The following KDM5A variants were observed in gnomAD, a reference collection of about 807,000 sequenced individuals.
KDM5A encodes lysine demethylase 5A.
Under a neutral mutation model 193.5 loss-of-function variants are expected in KDM5A, and 42 were observed. The observed-to-expected ratio is 0.22, with a 90% confidence interval of 0.17 to 0.28. KDM5A has a LOEUF of 0.28. Ranked by LOEUF, KDM5A falls within the 10% of genes least tolerant of loss-of-function variation. The pLI is 1.00. For synonymous variants in KDM5A, 796 were observed against 718.1 expected (o/e 1.11, Z -1.73); for missense variants, 1,692 against 2,055.1 (o/e 0.82, Z 3.42).
At chr12:293,273 A>C in intron 26 of KDM5A, 104 bp from the exon 27 acceptor site, 1 of 989,888 alleles carries the variant, frequency 1.0e-6, no homozygotes, top group Non-Finnish European at 1.5e-6. Context: ...GGAGAGACAG[A>C]AAGTCGAACA....
At chr12:296,937 C>T (rs1264193620) in intron 25 of KDM5A, 104 bp downstream of exon 25, 11 of 1,201,416 alleles carry the variant, frequency 9.2e-6, no homozygotes, top group Non-Finnish European at 1.3e-5. Context: ...TCATGGCCAA[C>T]CATTGTACTC....
intron 19 of KDM5A, among the ~76,000 whole-genome samples, chr12:315,204 T>C (rs1304421435): frequency 6.6e-6 from 1 of 152,188 alleles, no homozygotes; most frequent in East Asian, 1.9e-4. Context: ...GCAGAGAGAA[T>C]GATATATCCA....
At chr12:372,865 T>A (rs1405992289) in intron 3 of KDM5A, among the ~76,000 whole-genome samples, 3 of 152,228 alleles carry the variant, frequency 2.0e-5, no homozygotes, top group Admixed American at 6.5e-5. Flanking sequence ...GGTTTTTGTC[T>A]TTGGTTCTGT....
rs572637203 is a variant in KDM5A at position 328,531 on chromosome 12, G to GA, written c.1968+303dup. On this transcript the variant is annotated intron_variant, in intron 14 of 27. Transcript: ENST00000399788. ...CATAACTTATTCAACAGAAAGCTCA[G>GA]AAAAAAAAAATGATTTAAATTTTCT... Among the ~76,000 whole-genome samples the GA allele has an allele frequency of 7.0e-4, 103 of 146,996 alleles. 2 individuals are homozygous for GA. In the South Asian group the frequency reaches 0.013, roughly 19 times the overall value.
chr12:374,518 T>G (rs1442699350), intron 3 of KDM5A, among the ~76,000 whole-genome samples: 1 of 152,190 alleles, frequency 6.6e-6, no homozygotes, highest in African/African-American at 2.4e-5. Flanking sequence ...GGATCTTGAC[T>G]CTTTATCCAA....
chr12:388,558 C>T, intron 1 of KDM5A: 1 of 370,346 alleles, frequency 2.7e-6, no homozygotes, highest in Non-Finnish European at 5.2e-6. Context: ...CCAACCAGGT[C>T]TTGAATAAAG....
At chr12:378,402 C>T (rs754840811) in intron 3 of KDM5A, among the ~76,000 whole-genome samples, 10 of 152,010 alleles carry the variant, frequency 6.6e-5, no homozygotes, top group Admixed American at 1.3e-4. Context: ...TGACTACAGG[C>T]GCATGCCACC....
intron 18 of KDM5A, among the ~76,000 whole-genome samples, chr12:319,187 A>G (rs1943686091): frequency 6.6e-6 from 1 of 152,184 alleles, no homozygotes; most frequent in Non-Finnish European, 1.5e-5. Context: ...ACCATAGGGA[A>G]GTGATGTGAT....
At position 388,954 on chromosome 12, in the gene KDM5A, G is replaced by C; in HGVS notation, c.138C>G (p.Thr46=). The part of the protein sequence containing the change: ...IGRIRPLAEK[T]GICKIRPPKD... ...TGGGCGGCCGAATTTTGCAGATGCC[G>C]GTTTTCTCCGCCAAAGGCCGGATGC... The change falls in exon 1 of 28, where the codon ACC becomes ACG. Residue 46 remains threonine (T), a synonymous_variant. Transcript: ENST00000399788. The C allele has an allele frequency of 1.2e-6, 2 of 1,614,214 alleles. No individual in the cohort carries two copies. The highest frequency in any genetic ancestry group is 1.7e-6 in the Non-Finnish European group (2 of 1,180,036).
rs752316661 is a variant in KDM5A at position 384,057 on chromosome 12, T to A, written c.340A>T (p.Ile114Phe). Residue 114 changes from isoleucine to phenylalanine, a missense_variant, in exon 3 of 28, where the codon ATC becomes TTC. Physicochemically the swap from Ile to Phe is conservative, Grantham distance 21. This residue lies in a region of KDM5A where 120 missense variants were observed against 172.0 expected (regional missense o/e 0.70). Coordinates refer to ENST00000399788, the MANE Select transcript of KDM5A (RefSeq NM_001042603.3). ...TTGCTCAAAGCATACAGATCCAGGA[T>A]TTTTCTCTCTACCACAGGGATCTTC... ...TLKIPVVERKILDLYALSKIV... is the reference protein window; with the variant it reads ...TLKIPVVERKFLDLYALSKIV... The A allele has an allele frequency of 5.6e-6, 9 of 1,613,990 alleles. No individual in the cohort carries two copies. The highest frequency in any genetic ancestry group is 5.9e-6 in the Non-Finnish European group (7 of 1,179,858).
rs61577928 is a variant in KDM5A, at chr12:357,827, C to CAAAAAAAAAAAAAAAAA, written c.673-1307_673-1291dup. ...TGGGCGACAGAGCAAGACTCAGTCTCAAAAAAAAAAAAAAAAAAAAAAAAA... is the reference window on the plus strand; with the variant it reads ...TGGGCGACAGAGCAAGACTCAGTCTCAAAAAAAAAAAAAAAAAAAAAAAAAAAAAAAAAAAAAAAAAA... On this transcript the variant is annotated intron_variant, in intron 5 of 27. Transcript: ENST00000399788. Among the ~76,000 whole-genome samples the CAAAAAAAAAAAAAAAAA allele has an allele frequency of 3.7e-4, 11 of 29,866 alleles. 2 individuals carry two copies. Among genetic ancestry groups the CAAAAAAAAAAAAAAAAA allele is most frequent in the African/African-American group, 1.6e-3 (8 of 4,978 alleles). The allele number at this position is 29,866 out of a possible 152,430, so 19.6% of individuals were successfully genotyped here. A position where few individuals can be genotyped will look rare whatever the true frequency, so the allele number is the denominator to read the frequency against.
intron 16 of KDM5A, among the ~76,000 whole-genome samples, chr12:322,773 C>G (rs977346205): frequency 6.6e-6 from 1 of 152,146 alleles, no homozygotes; most frequent in African/African-American, 2.4e-5. Context: ...GACAGTTTCT[C>G]TCAGGTAAAT....
At chr12:322,998 A>T in intron 16 of KDM5A, 84 bp downstream of exon 16, 3 of 1,580,304 alleles carry the variant, frequency 1.9e-6, no homozygotes, top group Non-Finnish European at 2.6e-6. Flanking sequence ...TCTTTTACGG[A>T]AGGAAAAAAC....
chr12:381,464 G>A (rs1434400584), intron 3 of KDM5A, among the ~76,000 whole-genome samples: 6 of 152,036 alleles, frequency 3.9e-5, no homozygotes, highest in African/African-American at 1.4e-4. Context: ...AACACATTCA[G>A]AATCTTAAAC....
intron 18 of KDM5A, 74 bp from the exon 19 acceptor site, chr12:318,535 T>A: frequency 9.1e-7 from 1 of 1,099,836 alleles, no homozygotes; most frequent in East Asian, 2.4e-5. Context: ...ATAGACATAG[T>A]CAAGGCAAAC....
At chr12:360,177 G>A (rs1335500569) in intron 5 of KDM5A, among the ~76,000 whole-genome samples, 2 of 151,964 alleles carry the variant, frequency 1.3e-5, no homozygotes. Flanking sequence ...AGGAGGCTGG[G>A]GAAGGAGAAT....
At chr12:357,338 CA>C (rs35804849) in intron 5 of KDM5A, among the ~76,000 whole-genome samples, 7 of 142,590 alleles carry the variant, frequency 4.9e-5, no homozygotes. Flanking sequence ...CCGTTTCTAC[CA>C]AAAAAAAAAA....
At chr12:378,343 A>T (rs565297467) in intron 3 of KDM5A, among the ~76,000 whole-genome samples, 1 of 152,104 alleles carries the variant, frequency 6.6e-6, no homozygotes, top group East Asian at 1.9e-4. Context: ...CTGTAGCCCC[A>T]AACACCTGGA....
chr12:360,404 G>C (rs1944280039), intron 5 of KDM5A, among the ~76,000 whole-genome samples: 1 of 152,008 alleles, frequency 6.6e-6, no homozygotes, highest in Non-Finnish European at 1.5e-5. Flanking sequence ...AGAGAAAAGA[G>C]ATAACAAAGA....
Sources: gnomAD v4.1 joint callset for allele counts (sites outside exome capture counted in the v4.1 genomes callset) on GRCh38, gnomAD v4.1.1 for gene constraint, gnomAD v4.1.1 regional missense constraint, MANE v1.5 for transcripts, NCBI Gene and HGNC (gene_info 2026-07-23, HGNC 2026-07-21) for gene names.